LRP4: variants seen among roughly 807,000 people sequenced by gnomAD.
LRP4 encodes the protein low-density lipoprotein receptor-related protein 4.
Under a neutral mutation model 220.3 loss-of-function variants are expected in LRP4, and 95 were observed. That is an observed-to-expected ratio of 0.43 (90% confidence interval 0.37 to 0.51). The LOEUF (loss-of-function observed/expected upper bound fraction) is 0.51. Ranked by LOEUF, LRP4 falls within the 20% of genes least tolerant of loss-of-function variation. The pLI is 0.00. For missense variants in LRP4, 1,925 were observed against 2,567.0 expected (o/e 0.75, Z 5.40); for synonymous variants, 903 against 954.6 (o/e 0.95, Z 1.00).
Position 46,896,033 on chromosome 11 carries a change from C to T in LRP4, c.1049-15G>A. The T allele has an allele frequency of 6.2e-7, 1 of 1,614,046 alleles. No individual in the cohort carries two copies. The highest frequency in any genetic ancestry group is 8.5e-7 in the Non-Finnish European group (1 of 1,180,036). On this transcript the variant is annotated splice_polypyrimidine_tract_variant and intron_variant, in intron 9 of 37. Coordinates refer to ENST00000378623, the MANE Select transcript of LRP4 (RefSeq NM_002334.4). ...CGTCCGGGGCCCTGTGCCAGCCAAG[C>T]CAGAGTTGGGAGTTGAGCCCAGAAT...
chr11:46,874,658 A>G lies in LRP4; in HGVS notation c.4229+142T>C, dbSNP rs901493337. 1.7e-5 allele frequency: 12 copies of G among 688,158 alleles called. No individual in the cohort carries two copies. In the Admixed American group the frequency reaches 2.4e-4, roughly 14 times the overall value. The allele number at this position is 688,158 out of a possible 1,614,324, so 42.6% of individuals were successfully genotyped here. On this transcript the variant is annotated intron_variant, in intron 28 of 37. Transcript: ENST00000378623. ...TTGAAACTCTGCTGTAAGTGACAACACTACAAAGTGAACAAGTCAGGATTA... is the reference window on the plus strand; with the variant it reads ...TTGAAACTCTGCTGTAAGTGACAACGCTACAAAGTGAACAAGTCAGGATTA...
In LRP4 at chr11:46,875,224, A is replaced by G; in HGVS notation, c.3926-121T>C. ...TAAGTGACAGGATTCAGTGCCTGGC[A>G]GGGTGAGGTAGAAGGAGGGTCTGCA... On this transcript the variant is annotated intron_variant, in intron 27 of 37. Coordinates refer to ENST00000378623, the MANE Select transcript of LRP4 (RefSeq NM_002334.4). The surrounding 1 kb of genome is among the most constrained non-coding windows in gnomAD (Gnocchi z 4.5). The G allele has an allele frequency of 9.1e-7, 1 of 1,096,122 alleles. No individual in the cohort carries two copies. The highest frequency in any genetic ancestry group is 1.3e-5 in the South Asian group (1 of 74,774). The allele number at this position is 1,096,122 out of a possible 1,614,324, so 67.9% of individuals were successfully genotyped here.
intron 1 of LRP4, among the ~76,000 whole-genome samples, chr11:46,908,123 G>C (rs888548801): frequency 2.6e-5 from 4 of 151,938 alleles, no homozygotes; most frequent in Admixed American, 2.0e-4. Context: ...GTAGAGACGG[G>C]GATTCACCAT....
At chr11:46,896,788 A>G (rs1271962270) in intron 8 of LRP4, 81 bp downstream of exon 8, 2 of 1,605,092 alleles carry the variant, frequency 1.2e-6, no homozygotes, top group Non-Finnish European at 1.7e-6. Flanking sequence ...ACCCAACTGG[A>G]AAGATACCAA....
At chr11:46,892,902 T>A (rs1272277761) in intron 13 of LRP4, 71 bp downstream of exon 13, 2 of 1,559,618 alleles carry the variant, frequency 1.3e-6, no homozygotes, top group East Asian at 2.3e-5. Flanking sequence ...TCCCAGAATG[T>A]CTAGTCCAGG....
rs1002830453 is a variant in LRP4, at chr11:46,865,134, C to G, written c.5140G>C (p.Val1714Leu). ...CAGGGCTTACCTGGAGCAGCAGGAA[C>G]AGCGTCATTGGAACGTGCACAGAGG... is the stretch of plus-strand genomic sequence containing the variant. ...LGLCARSNDA[V>L]PAAPGEGLHI... The change falls in exon 35 of 38, where the codon GTT (valine) becomes CTT (leucine). Residue 1714 changes from valine (V) to leucine (L), a missense_variant. Val to Leu is a conservative substitution (Grantham distance 32). This residue lies in a region of LRP4 where 1,244 missense variants were observed against 1,624.9 expected (regional missense o/e 0.77). Transcript: ENST00000378623. 1 of 1,562,802 alleles carries G rather than the reference C, an allele frequency of 6.4e-7. No homozygotes were observed. Among genetic ancestry groups the G allele is most frequent in the African/African-American group, 1.4e-5 (1 of 73,652 alleles).
chr11:46,884,852 C>T (rs1941248634), intron 18 of LRP4, among the ~76,000 whole-genome samples: 1 of 151,942 alleles, frequency 6.6e-6, no homozygotes, highest in Non-Finnish European at 1.5e-5. Context: ...GTGGAGGTTG[C>T]AGTGAGCTGA....
chr11:46,860,941 G>A (rs1940528428), intron 37 of LRP4: 1 of 984,990 alleles, frequency 1.0e-6, no homozygotes, highest in Non-Finnish European at 1.2e-6. Flanking sequence ...GAAATCAAGA[G>A]GAAATCAGAA....
intron 1 of LRP4, among the ~76,000 whole-genome samples, chr11:46,908,788 G>A (rs984414036): frequency 1.3e-5 from 2 of 152,228 alleles, no homozygotes; most frequent in African/African-American, 2.4e-5. Flanking sequence ...ATCAGCACTC[G>A]AGTGTTGTTG....
rs539484177 is a variant in LRP4 at position 46,886,500 on chromosome 11, A to G, written c.2249T>C (p.Met750Thr). Reference protein sequence around the residue: ...LDKFLLFARRMDIRRISFDTE... With the variant: ...LDKFLLFARRTDIRRISFDTE... ...GTCAAAGCTGATTCGACGGATGTCC[A>G]TCCTTCGGGCAAAAAGCAGGAACTT... Residue 750 changes from methionine to threonine, a missense_variant, in exon 17 of 38, where the codon ATG becomes ACG. Transcript: ENST00000378623. 3 of 1,614,190 alleles carry G rather than the reference A, an allele frequency of 1.9e-6. No individual in the cohort carries two copies. The highest frequency in any genetic ancestry group is 2.7e-5 in the African/African-American group (2 of 75,078).
rs78851375 is a variant in LRP4 at position 46,901,086 on chromosome 11, A to T, written c.200-708T>A. On this transcript the variant is annotated intron_variant, in intron 2 of 37. Transcript: ENST00000378623. ...GTTGGGATTACAGGCGTGAGCCACC[A>T]CACCCAGCCCCCTTGTCTGTTTTAT... Among the ~76,000 whole-genome samples, 6 of 152,220 alleles carry T rather than the reference A, an allele frequency of 3.9e-5. No individual in the cohort carries two copies. The East Asian group carries it at 1.2e-3, about 29-fold the overall frequency.
At chr11:46,897,334 CTT>C (rs60604776) in intron 7 of LRP4, among the ~76,000 whole-genome samples, 7 of 128,104 alleles carry the variant, frequency 5.5e-5, no homozygotes, top group African/African-American at 2.0e-4. Context: ...GCCTGTTTGT[CTT>C]TTTTTTTTTT....
rs138301752 is a variant in LRP4, at chr11:46,890,459, C to T, written c.1733G>A (p.Arg578His). The part of the protein sequence containing the change: ...IYWTDWGNTP[R>H]IEASSMDGSG... Reference sequence around the variant, plus strand: ...GCCATCCATGCTGGAGGCCTCAATACGGGGGGTGTTGCCCCAGTCTGTCCA... The same window carrying T: ...GCCATCCATGCTGGAGGCCTCAATATGGGGGGTGTTGCCCCAGTCTGTCCA... The change falls in exon 14 of 38, where the codon CGT (arginine) becomes CAT (histidine). Residue 578 changes from arginine to histidine, a missense_variant. Around this residue, in one of 3 missense-constraint regions of LRP4, gnomAD observed 269 missense variants for 436.7 expected, o/e 0.62. Transcript: ENST00000378623. This position sits in a 1 kb window ranked among gnomAD's most constrained non-coding sequence, Gnocchi z 5.3. 2.7e-5 allele frequency: 44 copies of T among 1,613,826 alleles called. No homozygotes were observed. The highest frequency in any genetic ancestry group is 3.4e-5 in the Non-Finnish European group (40 of 1,179,958).
Position 46,869,063 on chromosome 11 carries a change from G to A in LRP4, c.4762C>T (p.Arg1588Trp), listed in dbSNP as rs546318025. ...SIQRVDKYSG[R>W]NKETVLANVE... ...TTTGCCAGCACTGTCTCCTTGTTCC[G>A]GCCTGAGTATTTGTCAACACGCTGG... The change falls in exon 32 of 38, where the codon CGG becomes TGG. Residue 1588 changes from arginine to tryptophan, a missense_variant. Around this residue, in one of 3 missense-constraint regions of LRP4, gnomAD observed 1,244 missense variants for 1,624.9 expected, o/e 0.77. Coordinates refer to ENST00000378623, the MANE Select transcript of LRP4 (RefSeq NM_002334.4). 7.4e-6 allele frequency: 12 copies of A among 1,613,970 alleles called. No individual in the cohort carries two copies. Among genetic ancestry groups the A allele is most frequent in the Middle Eastern group, 3.3e-4 (2 of 6,084 alleles).
At chr11:46,901,617 C>T (rs11039024) in intron 2 of LRP4, among the ~76,000 whole-genome samples, 25,884 of 152,112 alleles carry the variant, frequency 0.17, 2,957 homozygotes, top group East Asian at 0.62. Flanking sequence ...TCAGAGATTG[C>T]GCCTCTAATC....
chr11:46,864,369 A>G, intron 36 of LRP4, 79 bp downstream of exon 36: 1 of 1,096,516 alleles, frequency 9.1e-7, no homozygotes, highest in East Asian at 2.4e-5. Flanking sequence ...GATTCAGTGA[A>G]CTGCAGAGCT....
chr11:46,904,054 T>C (rs1016286291), intron 1 of LRP4, among the ~76,000 whole-genome samples: 7 of 152,194 alleles, frequency 4.6e-5, no homozygotes, highest in Admixed American at 2.0e-4. Flanking sequence ...AACAAAGGGT[T>C]CTGCCAGGGT....
intron 13 of LRP4, among the ~76,000 whole-genome samples, chr11:46,891,521 C>T (rs922715882): frequency 3.0e-4 from 46 of 151,990 alleles, no homozygotes; most frequent in African/African-American, 1.1e-3. Context: ...TACTGTAGGA[C>T]CTTATAAGAT....
chr11:46,864,336 T>C, intron 36 of LRP4, 112 bp downstream of exon 36: 1 of 846,452 alleles, frequency 1.2e-6, no homozygotes, highest in Non-Finnish European at 2.0e-6. Flanking sequence ...CACCCAACCT[T>C]GCAATAAGGC....
Sources: gnomAD v4.1 joint callset for allele counts (sites outside exome capture counted in the v4.1 genomes callset) on GRCh38, gnomAD v4.1.1 for gene constraint, gnomAD v4.1.1 regional missense constraint, Gnocchi (gnomAD v3.1) non-coding constraint, MANE v1.5 for transcripts, NCBI Gene and HGNC (gene_info 2026-07-23, HGNC 2026-07-21) for gene names.